MCM3: variants seen among roughly 807,000 people sequenced by gnomAD.
MCM3 encodes DNA replication licensing factor MCM3.
In MCM3, 59 loss-of-function variants were observed where a neutral mutation model predicts 91.3. The ratio of observed to expected loss-of-function variants is 0.65; its 90% CI spans 0.52 to 0.80. The LOEUF is 0.80. MCM3 is among the 30% of genes least tolerant of loss of function. MCM3 has a pLI of 0.00. For missense variants in MCM3, 919 were observed against 1,035.4 expected (o/e 0.89, Z 1.54); for synonymous variants, 383 against 379.6 (o/e 1.01, Z -0.10).
At chr6:52,279,693 A>G (rs17239915) in intron 4 of MCM3, 94 bp from the exon 5 acceptor site, 2 of 961,942 alleles carry the variant, frequency 2.1e-6, no homozygotes, top group Admixed American at 2.4e-5. Context: ...ACTTCATAAA[A>G]TTTTATTATT....
intron 8 of MCM3, among the ~76,000 whole-genome samples, 192 bp downstream of exon 8, chr6:52,276,875 C>G (rs1260480460): frequency 6.6e-6 from 1 of 152,174 alleles, no homozygotes; most frequent in African/African-American, 2.4e-5. Flanking sequence ...TCCTTTAAAT[C>G]GAAAACATTC....
rs9370109 is a variant in MCM3, at chr6:52,284,472, G to C, written c.78+125C>G. The C allele has an allele frequency of 5.9e-4, 465 of 791,626 alleles. 2 individuals carry two copies. The East Asian group carries it at 0.013, about 22-fold the overall frequency. The allele number at this position is 791,626 out of a possible 1,614,324, so 49.0% of individuals were successfully genotyped here. On this transcript the variant is annotated intron_variant, in intron 1 of 16. Transcript: ENST00000596288. ...AGAAGTTACAAGATTGGGGCTGGAG[G>C]CTCGGGCCCGGCAGGCTCCGCTGCG...
At chr6:52,284,372 C>T (rs1421758524) in intron 1 of MCM3, among the ~76,000 whole-genome samples, 1 of 152,204 alleles carries the variant, frequency 6.6e-6, no homozygotes, top group African/African-American at 2.4e-5. Context: ...GCGCCCGGAC[C>T]ATCGCTTGTA....
At chr6:52,272,170 A>G (rs537518520) in intron 12 of MCM3, 131 bp downstream of exon 12, 14 of 846,498 alleles carry the variant, frequency 1.7e-5, no homozygotes, top group African/African-American at 3.4e-5. Context: ...TTAAAATTGT[A>G]TAACAGGAAG....
chr6:52,278,601 T>C, intron 6 of MCM3, 141 bp downstream of exon 6: 1 of 578,682 alleles, frequency 1.7e-6, no homozygotes, highest in South Asian at 2.5e-5. Context: ...ACACCCTTCA[T>C]TTGTTGATTG....
Position 52,279,555 on chromosome 6 carries a change from G to C in MCM3, c.576C>G (p.Val192=), listed in dbSNP as rs1765895202. The part of the protein sequence containing the change: ...NPLETEYGLS[V]YKDHQTITIQ... ...TGGTGATGGTCTGGTGATCCTTGTA[G>C]ACAGAAAGGCCATATTCTGTCTCAA... is the stretch of plus-strand genomic sequence containing the variant. The change falls in exon 5 of 17, where the codon GTC becomes GTG. Residue 192 remains valine (V), a synonymous_variant. Transcript: ENST00000596288. The C allele has an allele frequency of 6.2e-7, 1 of 1,614,124 alleles. No homozygotes were observed. Among genetic ancestry groups the C allele is most frequent in the South Asian group, 1.1e-5 (1 of 91,076 alleles).
At chr6:52,271,364 C>T (rs17240091) in intron 12 of MCM3, among the ~76,000 whole-genome samples, 2,394 of 151,948 alleles carry the variant, frequency 0.016, 56 homozygotes, top group African/African-American at 0.055. Context: ...AAATTTGGGC[C>T]GGGCATGGTG....
intron 1 of MCM3, among the ~76,000 whole-genome samples, chr6:52,284,299 G>A (rs1021177602): frequency 6.6e-6 from 1 of 152,210 alleles, no homozygotes; most frequent in African/African-American, 2.4e-5. Flanking sequence ...GCAGTGAAAT[G>A]CAAAAGGCCG....
In MCM3 at chr6:52,264,697, T is replaced by C. The variant is rs201353497; in HGVS notation, c.2318A>G (p.Asn773Ser). Residue 773 changes from asparagine (N) to serine (S), a missense_variant, in exon 17 of 17, where the codon AAC (asparagine) becomes AGC (serine). Asn to Ser is a conservative substitution (Grantham distance 46, BLOSUM62 1). This residue lies in a region of MCM3 where 285 missense variants were observed against 311.4 expected (regional missense o/e 0.92). Coordinates refer to ENST00000596288, the MANE Select transcript of MCM3 (RefSeq NM_002388.6). ...AGAGAAGGGCTCTTCGCTGTCCCGG[T>C]TGATGGATTCTGTGAGGCGATTCAT... ...IGMNRLTESI[N>S]RDSEEPFSSV... The C allele has an allele frequency of 7.3e-5, 118 of 1,614,110 alleles. No individual in the cohort carries two copies. Among genetic ancestry groups the C allele is most frequent in the Non-Finnish European group, 9.6e-5 (113 of 1,180,050 alleles).
chr6:52,273,634 C>T, intron 10 of MCM3, 108 bp downstream of exon 10: 2 of 1,186,794 alleles, frequency 1.7e-6, no homozygotes, highest in East Asian at 2.4e-5. Flanking sequence ...GGCTCTTCAA[C>T]ATCAACCCGG....
rs765431639 is a variant in MCM3, at chr6:52,264,798, A to G, written c.2229-12T>C. 1 of 1,612,922 alleles carries G rather than the reference A, an allele frequency of 6.2e-7. No homozygotes were observed. Among genetic ancestry groups the G allele is most frequent in the Admixed American group, 1.7e-5 (1 of 60,022 alleles). On this transcript the variant is annotated splice_polypyrimidine_tract_variant and intron_variant, in intron 16 of 16. Coordinates refer to ENST00000596288, the MANE Select transcript of MCM3 (RefSeq NM_002388.6). Reference sequence around the variant, plus strand: ...TGAATGCCTTCAACCTGCCCCAGACAGAAGAAAGGGGGAAGAGGAGTAAAC... The same window carrying G: ...TGAATGCCTTCAACCTGCCCCAGACGGAAGAAAGGGGGAAGAGGAGTAAAC...
intron 13 of MCM3, 61 bp from the exon 14 acceptor site, chr6:52,268,029 A>T: frequency 6.2e-7 from 1 of 1,611,462 alleles, no homozygotes; most frequent in Middle Eastern, 1.7e-4. Flanking sequence ...AACTGCATCA[A>T]GAACTCCCAG....
intron 14 of MCM3, 100 bp from the exon 15 acceptor site, chr6:52,266,796 AC>A: frequency 1.1e-6 from 1 of 895,302 alleles, no homozygotes. Context: ...AGGAAACAGA[AC>A]CACTAAGTCA....
In MCM3 at chr6:52,273,848, C is replaced by T; in HGVS notation, c.1443G>A (p.Leu481=). The part of the protein sequence containing the change: ...LQDSLLSRFD[L]LFIMLDQMDP... ...CCATCTGATCCAGCATGATGAAGAG[C>T]AAGTCAAATCGTGACAGCAGTGAGT... The change falls in exon 10 of 17, where the codon TTG becomes TTA. Residue 481 remains leucine (L), a synonymous_variant. Transcript: ENST00000596288. 6.2e-7 allele frequency: 1 copy of T among 1,614,122 alleles called. No homozygotes were observed. Among genetic ancestry groups the T allele is most frequent in the South Asian group, 1.1e-5 (1 of 91,082 alleles).
Position 52,277,668 on chromosome 6 carries a change from G to C in MCM3, c.900C>G (p.Ala300=), listed in dbSNP as rs200914608. 3 of 1,613,930 alleles carry C rather than the reference G, an allele frequency of 1.9e-6. No homozygotes were observed. In the South Asian group the frequency reaches 3.3e-5, roughly 18 times the overall value. ...TRSKDIFDQL[A]KSLAPSIHGH... ...CATGGATACTTGGGGCCAATGACTT[G>C]GCCAGCTGGTCAAAGATATCCTACA... The change falls in exon 7 of 17, where the codon GCC becomes GCG. Residue 300 remains alanine (A), a synonymous_variant. Coordinates refer to ENST00000596288, the MANE Select transcript of MCM3 (RefSeq NM_002388.6).
chr6:52,283,169 G>T (rs1320560724), intron 2 of MCM3, 125 bp downstream of exon 2: 3 of 719,196 alleles, frequency 4.2e-6, no homozygotes, highest in Non-Finnish European at 6.9e-6. Context: ...AGGTGCAGGT[G>T]AGCTACGAGG....
chr6:52,280,476 T>C (rs17239894), intron 4 of MCM3, among the ~76,000 whole-genome samples: 2,369 of 152,304 alleles, frequency 0.016, 53 homozygotes, highest in African/African-American at 0.055. Flanking sequence ...TCACACGTCA[T>C]GCACAAGGAA....
At chr6:52,272,563 A>G (rs1032649686) in intron 11 of MCM3, 112 bp from the exon 12 acceptor site, 1 of 1,035,524 alleles carries the variant, frequency 9.7e-7, no homozygotes, top group Non-Finnish European at 1.4e-6. Flanking sequence ...AGAACCCATT[A>G]TCATAACTCC....
Position 52,264,405 on chromosome 6 carries a change from C to G in MCM3, c.*183G>C. 1 of 611,414 alleles carries G rather than the reference C, an allele frequency of 1.6e-6. No homozygotes were observed. The allele number at this position is 611,414 out of a possible 1,614,324, so 37.9% of individuals were successfully genotyped here. On this transcript the variant is annotated 3_prime_UTR_variant, in exon 17 of 17. Coordinates refer to ENST00000596288, the MANE Select transcript of MCM3 (RefSeq NM_002388.6). ...CTCCTCTTTCCTCACCCCATGGCAG[C>G]TTTCATGACCCATTCCCAAAGGGTC... is the stretch of plus-strand genomic sequence containing the variant.
Sources: gnomAD v4.1 joint callset for allele counts (sites outside exome capture counted in the v4.1 genomes callset) on GRCh38, gnomAD v4.1.1 for gene constraint, gnomAD v4.1.1 regional missense constraint, MANE v1.5 for transcripts, NCBI Gene and HGNC (gene_info 2026-07-23, HGNC 2026-07-21) for gene names.